The following OLFM3 variants were observed in gnomAD, a reference collection of about 807,000 sequenced individuals.
The protein encoded by OLFM3 is olfactomedin 3, also known as noelin-3.
Under a neutral mutation model 48.6 loss-of-function variants are expected in OLFM3, and 20 were observed. That is an observed-to-expected ratio of 0.41 (90% CI 0.29 to 0.60). OLFM3 has a LOEUF of 0.60. Ranked by LOEUF, OLFM3 falls within the 20% of genes least tolerant of loss-of-function variation. The pLI, the probability that OLFM3 is intolerant of heterozygous loss-of-function variation, is 0.28. For missense variants in OLFM3, 437 were observed against 544.3 expected (o/e 0.80, Z 1.96); for synonymous variants, 222 against 198.1 (o/e 1.12, Z -1.01).
Position 101,996,774 on chromosome 1 carries a change from AAGAC to A in OLFM3, c.39_42del (p.Ser14CysfsTer5). 1 of 1,614,264 alleles carries A rather than the reference AAGAC, an allele frequency of 6.2e-7. No individual in the cohort carries two copies. Among genetic ancestry groups the A allele is most frequent in the Non-Finnish European group, 8.5e-7 (1 of 1,180,040 alleles). ...TTGGAAGGATCTAATCCGGCAAACA[AAGAC>A]AGCAGCAGGAGGTTGAGAAGGTTGG... On this transcript the variant is annotated frameshift_variant, in exon 1 of 6. Coordinates refer to ENST00000370103, the MANE Select transcript of OLFM3 (RefSeq NM_058170.4). LOFTEE classifies it high-confidence loss of function.
At chr1:101,990,989 T>TAAAAAAAAAAAAAAAAAA (rs58481588) in intron 1 of OLFM3, among the ~76,000 whole-genome samples, 2 of 8,902 alleles carry the variant, frequency 2.2e-4, no homozygotes, top group Admixed American at 5.6e-3. Flanking sequence ...TGTCAAAAAG[T>TAAAAAAAAAAAAAAAAAA]AAAAAAAAAA....
chr1:101,958,907 G>T (rs1339892646), intron 1 of OLFM3, among the ~76,000 whole-genome samples: 2 of 150,108 alleles, frequency 1.3e-5, no homozygotes, highest in African/African-American at 2.4e-5. Context: ...ATATTTTGTG[G>T]TGAAAACATT....
chr1:101,949,794 G>A (rs1444603088), intron 1 of OLFM3, among the ~76,000 whole-genome samples: 3 of 151,958 alleles, frequency 2.0e-5, no homozygotes, highest in African/African-American at 4.8e-5. Context: ...GCCGGGCGTC[G>A]TGGTGGGCAC....
intron 1 of OLFM3, among the ~76,000 whole-genome samples, chr1:101,979,441 G>A (rs748540612): frequency 1.5e-4 from 23 of 152,118 alleles, no homozygotes; most frequent in Non-Finnish European, 2.5e-4. Context: ...TGCTGTTCTC[G>A]TGATAGTGGA....
At chr1:101,902,666 G>T (rs115410155) in intron 1 of OLFM3, among the ~76,000 whole-genome samples, 1 of 152,208 alleles carries the variant, frequency 6.6e-6, no homozygotes, top group Non-Finnish European at 1.5e-5. Context: ...AACACCACTT[G>T]GTTGGTTCTA....
chr1:101,931,788 A>T (rs1659451706), intron 1 of OLFM3, among the ~76,000 whole-genome samples: 1 of 152,194 alleles, frequency 6.6e-6, no homozygotes, highest in Non-Finnish European at 1.5e-5. Context: ...CCACTGGGGT[A>T]ACCTGAATTT....
intron 1 of OLFM3, among the ~76,000 whole-genome samples, chr1:101,848,587 T>A (rs1024991438): frequency 7.2e-5 from 11 of 152,100 alleles, no homozygotes. Context: ...AACCAAATAT[T>A]ATTACTTTTC....
chr1:101,817,415 A>T (rs774937032), intron 4 of OLFM3, among the ~76,000 whole-genome samples: 10 of 152,140 alleles, frequency 6.6e-5, no homozygotes, highest in Non-Finnish European at 1.5e-4. Context: ...ATCTTACCAA[A>T]TGCAGTAATT....
intron 4 of OLFM3, chr1:101,812,977 T>C (rs777217134): frequency 5.8e-5 from 60 of 1,033,946 alleles, no homozygotes; most frequent in Non-Finnish European, 6.6e-5. Flanking sequence ...AATTTATTCA[T>C]TTGACAACCA....
At chr1:101,930,410 A>C (rs761591705) in intron 1 of OLFM3, among the ~76,000 whole-genome samples, 3 of 152,170 alleles carry the variant, frequency 2.0e-5, no homozygotes, top group Non-Finnish European at 2.9e-5. Context: ...AGAAAATATA[A>C]AACTGAGGTT....
chr1:101,835,475 C>T (rs997883747), intron 2 of OLFM3, among the ~76,000 whole-genome samples: 2 of 152,104 alleles, frequency 1.3e-5, no homozygotes, highest in African/African-American at 4.8e-5. Context: ...CCACAATGCC[C>T]AGTTAATTTT....
intron 1 of OLFM3, among the ~76,000 whole-genome samples, chr1:101,898,687 A>T (rs1181587593): frequency 6.6e-6 from 1 of 152,078 alleles, no homozygotes; most frequent in Non-Finnish European, 1.5e-5. Context: ...TGTCTCTACT[A>T]AAAATACAAA....
chr1:101,909,104 C>G (rs923713426), intron 1 of OLFM3, among the ~76,000 whole-genome samples: 3 of 152,190 alleles, frequency 2.0e-5, no homozygotes, highest in African/African-American at 7.2e-5. Context: ...CCTGTCTCCA[C>G]TCAGTTATAC....
At chr1:101,826,645 G>C (rs988998571) in intron 3 of OLFM3, among the ~76,000 whole-genome samples, 1 of 152,210 alleles carries the variant, frequency 6.6e-6, no homozygotes, top group Non-Finnish European at 1.5e-5. Context: ...TACATATTGA[G>C]TGGGAGGCTA....
intron 1 of OLFM3, among the ~76,000 whole-genome samples, chr1:101,843,755 T>C (rs940201613): frequency 2.0e-5 from 3 of 152,240 alleles, no homozygotes; most frequent in Non-Finnish European, 4.4e-5. Flanking sequence ...TGATTTAAAC[T>C]CTATTTTTCC....
At chr1:101,837,331 A>T (rs1023092900) in intron 1 of OLFM3, among the ~76,000 whole-genome samples, 10 of 152,216 alleles carry the variant, frequency 6.6e-5, no homozygotes, top group Non-Finnish European at 1.2e-4. Context: ...CAACTTTAGA[A>T]GCATCTAGTA....
At chr1:101,860,577 T>G (rs1392786765) in intron 1 of OLFM3, among the ~76,000 whole-genome samples, 1 of 152,064 alleles carries the variant, frequency 6.6e-6, no homozygotes, top group Non-Finnish European at 1.5e-5. Flanking sequence ...TCTTCAATCG[T>G]TAAAGAATGT....
At chr1:101,984,247 CA>C (rs11313941) in intron 1 of OLFM3, among the ~76,000 whole-genome samples, 55,455 of 89,712 alleles carry the variant, frequency 0.62, 14,300 homozygotes, top group Middle Eastern at 0.73. Flanking sequence ...GACTCTGTCT[CA>C]AAAAAAAAAA....
intron 1 of OLFM3, among the ~76,000 whole-genome samples, chr1:101,874,615 G>A (rs544626319): frequency 6.6e-6 from 1 of 152,044 alleles, no homozygotes; most frequent in African/African-American, 2.4e-5. Flanking sequence ...ACTGAGGCAA[G>A]TGTCAACTTG....
Sources: gnomAD v4.1 joint callset for allele counts (sites outside exome capture counted in the v4.1 genomes callset) on GRCh38, gnomAD v4.1.1 for gene constraint, MANE v1.5 for transcripts, NCBI Gene and HGNC (gene_info 2026-07-23, HGNC 2026-07-21) for gene names.